Variants in PRPSAP2 observed in about 807,000 individuals in gnomAD.
PRPSAP2 encodes phosphoribosyl pyrophosphate synthetase associated protein 2, also known as phosphoribosyl pyrophosphate synthase-associated protein 2.
Under a neutral mutation model 40.6 loss-of-function variants are expected in PRPSAP2, and 24 were observed. The observed-to-expected ratio is 0.59, with a 90% CI of 0.43 to 0.83. PRPSAP2 has a LOEUF of 0.83. PRPSAP2 is among the 40% of genes least tolerant of loss of function. The pLI is 0.00. For synonymous variants in PRPSAP2, 149 were observed against 164.7 expected (o/e 0.90, Z 0.73); for missense variants, 292 against 465.6 (o/e 0.63, Z 3.43).
intron 9 of PRPSAP2, among the ~76,000 whole-genome samples, chr17:18,921,704 T>A (rs565907074): frequency 1.3e-5 from 2 of 152,318 alleles, no homozygotes; most frequent in Admixed American, 6.5e-5. Context: ...CTTCTCACAG[T>A]ACGTAGGGTG....
intron 9 of PRPSAP2, among the ~76,000 whole-genome samples, chr17:18,913,421 G>C (rs1467464664): frequency 6.6e-6 from 1 of 151,820 alleles, no homozygotes; most frequent in African/African-American, 2.4e-5. Flanking sequence ...GTGGAGCCTT[G>C]AAATCGTTCT....
At chr17:18,910,201 T>C (rs1349159267) in intron 8 of PRPSAP2, among the ~76,000 whole-genome samples, 1 of 152,062 alleles carries the variant, frequency 6.6e-6, no homozygotes, top group African/African-American at 2.4e-5. Flanking sequence ...GGGTGGATCA[T>C]TTCAGGTCAG....
At position 18,876,507 on chromosome 17, in the gene PRPSAP2, AT is replaced by A. The variant is rs1420867545; in HGVS notation, c.240-1187del. Among the ~76,000 whole-genome samples, 4 of 152,300 alleles carry A rather than the reference AT, an allele frequency of 2.6e-5. No homozygotes were observed. In the East Asian group the frequency reaches 7.7e-4, roughly 29 times the overall value. Reference sequence around the variant, plus strand: ...CTCCTTCTTTCATTAACAAATACTTATTTTGAATGTCTACAATATGTGAATT... The same window carrying A: ...CTCCTTCTTTCATTAACAAATACTTATTTGAATGTCTACAATATGTGAATT... On this transcript the variant is annotated intron_variant, in intron 5 of 11. Coordinates refer to ENST00000268835, the MANE Select transcript of PRPSAP2 (RefSeq NM_002767.4).
intron 7 of PRPSAP2, among the ~76,000 whole-genome samples, chr17:18,885,403 C>CACAAAA (rs1555552101): frequency 1.8e-4 from 2 of 10,982 alleles, no homozygotes; most frequent in Non-Finnish European, 2.7e-4. Context: ...TTCCTTCTCA[C>CACAAAA]AAAAAAAAAA....
At chr17:18,869,749 C>T (rs796563410) in intron 4 of PRPSAP2, among the ~76,000 whole-genome samples, 7 of 151,086 alleles carry the variant, frequency 4.6e-5, no homozygotes, top group African/African-American at 1.7e-4. Flanking sequence ...TAACATCATA[C>T]CACATTTCTT....
At chr17:18,929,051 T>C in intron 11 of PRPSAP2, 94 bp downstream of exon 11, 1 of 1,506,390 alleles carries the variant, frequency 6.6e-7, no homozygotes. Context: ...ACTGAGATCT[T>C]TTGTGGCTGA....
At chr17:18,860,140 A>G (rs1597491865) in intron 1 of PRPSAP2, among the ~76,000 whole-genome samples, 7 of 151,108 alleles carry the variant, frequency 4.6e-5, no homozygotes, top group African/African-American at 1.2e-4. Flanking sequence ...GCTCACTGCA[A>G]CCTCTGCCTC....
At chr17:18,903,777 T>A (rs765620591) in intron 8 of PRPSAP2, among the ~76,000 whole-genome samples, 2 of 152,158 alleles carry the variant, frequency 1.3e-5, no homozygotes, top group Non-Finnish European at 2.9e-5. Flanking sequence ...AAGAGCTCTG[T>A]CGACATGGCA....
chr17:18,893,605 A>G (rs1303961690), intron 8 of PRPSAP2, among the ~76,000 whole-genome samples: 2 of 148,406 alleles, frequency 1.3e-5, no homozygotes, highest in Non-Finnish European at 1.5e-5. Context: ...AAAAAAAAAC[A>G]TTAACTGGAT....
intron 6 of PRPSAP2, among the ~76,000 whole-genome samples, chr17:18,878,973 G>A (rs2038514827): frequency 6.6e-6 from 1 of 151,768 alleles, no homozygotes; most frequent in Admixed American, 6.6e-5. Context: ...GGGTTCAAGC[G>A]ATTTTTGTAC....
At chr17:18,921,786 T>C (rs542850257) in intron 9 of PRPSAP2, among the ~76,000 whole-genome samples, 6 of 152,330 alleles carry the variant, frequency 3.9e-5, no homozygotes, top group Admixed American at 2.6e-4. Flanking sequence ...AACAGTATTT[T>C]AACTTTTTCT....
rs1352918360 is a variant in PRPSAP2, at chr17:18,891,874, C to T, written c.584+1997C>T. On this transcript the variant is annotated intron_variant, in intron 8 of 11. Coordinates refer to ENST00000268835, the MANE Select transcript of PRPSAP2 (RefSeq NM_002767.4). ...GTGTTTTGTTGTCGCTGTTATTGTT[C>T]GAGACAAAATCTTACTCTGTTGCCG... 2.0e-5 allele frequency among the ~76,000 whole-genome samples: 3 copies of T among 152,136 alleles called. No individual in the cohort carries two copies. The East Asian group carries it at 5.8e-4, about 29-fold the overall frequency.
chr17:18,917,768 A>C (rs2041456129), intron 9 of PRPSAP2, among the ~76,000 whole-genome samples: 1 of 151,116 alleles, frequency 6.6e-6, no homozygotes, highest in Non-Finnish European at 1.5e-5. Flanking sequence ...GAGGGGACTG[A>C]TGGGAAGTGG....
Position 18,923,307 on chromosome 17 carries a change from C to T in PRPSAP2, c.734-607C>T, listed in dbSNP as rs149505364. ...ATTTTTAGTAGAGACAGGGTTTCAC[C>T]ATGTTAGCCAGGAAGGTCCCGATCT... is the stretch of plus-strand genomic sequence containing the variant. On this transcript the variant is annotated intron_variant, in intron 9 of 11. Coordinates refer to ENST00000268835, the MANE Select transcript of PRPSAP2 (RefSeq NM_002767.4). Among the ~76,000 whole-genome samples the T allele has an allele frequency of 8.2e-3, 1,203 of 147,478 alleles. 16 individuals are homozygous for T. The highest frequency in any genetic ancestry group is 0.028 in the African/African-American group (1,126 of 39,848).
chr17:18,882,371 C>T lies in PRPSAP2; in HGVS notation c.413-197C>T, dbSNP rs867876689. ...TACTAAAAATACAGAATTATCTGGG[C>T]GTGGTGGCATGCACCTGTATTCCCA... On this transcript the variant is annotated intron_variant, in intron 6 of 11. Transcript: ENST00000268835. Among the ~76,000 whole-genome samples, 6 of 151,714 alleles carry T rather than the reference C, an allele frequency of 4.0e-5. No homozygotes were observed. In the East Asian group the frequency reaches 5.9e-4, roughly 15 times the overall value.
intron 7 of PRPSAP2, among the ~76,000 whole-genome samples, chr17:18,885,932 A>G (rs1219124917): frequency 6.6e-6 from 1 of 152,138 alleles, no homozygotes; most frequent in African/African-American, 2.4e-5. Context: ...CGTGTTGGCC[A>G]GGCTGGTCTT....
chr17:18,893,540 A>T (rs552390290), intron 8 of PRPSAP2, among the ~76,000 whole-genome samples: 24 of 151,710 alleles, frequency 1.6e-4, no homozygotes, highest in Non-Finnish European at 3.2e-4. Context: ...GGATCACTTG[A>T]GCCCAGGAAT....
At chr17:18,856,710 G>T (rs2036609120), upstream of PRPSAP2, among the ~76,000 whole-genome samples, 1 of 152,218 alleles carries the variant, frequency 6.6e-6, no homozygotes, top group Non-Finnish European at 1.5e-5. Flanking sequence ...TAGGGATTAG[G>T]TAAGTGAAGA....
intron 6 of PRPSAP2, among the ~76,000 whole-genome samples, chr17:18,878,877 A>G (rs1009779226): frequency 1.4e-5 from 2 of 145,718 alleles, no homozygotes; most frequent in Admixed American, 6.9e-5. Context: ...TATTCTGTTT[A>G]TTTATTTTTT....
Sources: allele counts gnomAD v4.1 joint callset (sites outside exome capture counted in the v4.1 genomes callset), GRCh38; gene constraint gnomAD v4.1.1; transcripts MANE v1.5; gene names NCBI Gene and HGNC (gene_info 2026-07-23, HGNC 2026-07-21).